ABLIM2: variants seen among roughly 807,000 people sequenced by gnomAD.
The protein encoded by ABLIM2 is actin-binding LIM protein 2.
Under a neutral mutation model 97.7 loss-of-function variants are expected in ABLIM2, and 53 were observed. That is an observed-to-expected ratio of 0.54 (90% CI 0.44 to 0.68). The LOEUF (loss-of-function observed/expected upper bound fraction) is 0.68. Among genes scored for constraint, ABLIM2 ranks in the 30% least tolerant of loss-of-function variants. The pLI is 0.00. For missense variants in ABLIM2, 835 were observed against 867.2 expected, an observed-to-expected ratio of 0.96 and a Z score of 0.47; for synonymous variants, 361 against 345.8, an observed-to-expected ratio of 1.04 and a Z score of -0.49.
chr4:8,071,348 C>T lies in ABLIM2; in HGVS notation c.675+6280G>A, dbSNP rs1811888630. Reference sequence around the variant, plus strand: ...CCAGCAAGGAGCCGGCTCATCAGGACAGACACCCAGAGATGGGTGGGATGC... The same window carrying T: ...CCAGCAAGGAGCCGGCTCATCAGGATAGACACCCAGAGATGGGTGGGATGC... On this transcript the variant is annotated intron_variant, in intron 6 of 20. Transcript: ENST00000447017. This position sits in a 1 kb window ranked among gnomAD's most constrained non-coding sequence, Gnocchi z 6.2. Among the ~76,000 whole-genome samples, 1 of 152,144 alleles carries T rather than the reference C, an allele frequency of 6.6e-6. No homozygotes were observed. The highest frequency in any genetic ancestry group is 2.4e-5 in the African/African-American group (1 of 41,438).
At position 7,992,756 on chromosome 4, in the gene ABLIM2, G is replaced by A. The variant is rs908936863; in HGVS notation, c.1680+110C>T. ...CATCAGGCAGAGGCAGGTGGGCCGCGGGGTCCCCGGGGCCTCTCCTCCTGC... is the reference window on the plus strand; with the variant it reads ...CATCAGGCAGAGGCAGGTGGGCCGCAGGGTCCCCGGGGCCTCTCCTCCTGC... On this transcript the variant is annotated intron_variant, in intron 17 of 20. Coordinates refer to ENST00000447017, the MANE Select transcript of ABLIM2 (RefSeq NM_001130083.2). The surrounding 1 kb of genome is among the most constrained non-coding windows in gnomAD (Gnocchi z 5.7). The A allele has an allele frequency of 8.9e-6, 11 of 1,242,342 alleles. No individual in the cohort carries two copies. In the African/African-American group the frequency reaches 9.0e-5, roughly 10 times the overall value. 77.0% of individuals were successfully genotyped at this position (1,242,342 alleles called of 1,614,324 possible).
intron 20 of ABLIM2, among the ~76,000 whole-genome samples, chr4:7,968,844 A>C (rs1018817017): frequency 5.3e-5 from 8 of 152,230 alleles, no homozygotes; most frequent in African/African-American, 1.9e-4. Flanking sequence ...GGTACACTTT[A>C]AAATGGTTAA....
rs563417299 is a variant in ABLIM2 at position 8,001,168 on chromosome 4, G to T, written c.1618+6891C>A. Among the ~76,000 whole-genome samples, 289 of 152,296 alleles carry T rather than the reference G, an allele frequency of 1.9e-3. 2 individuals are homozygous for T. Among genetic ancestry groups the T allele is most frequent in the African/African-American group, 6.6e-3 (275 of 41,564 alleles). On this transcript the variant is annotated intron_variant, in intron 16 of 20. Transcript: ENST00000447017. The surrounding 1 kb of genome is among the most constrained non-coding windows in gnomAD (Gnocchi z 4.2). ...CTGAGCAGCGGTGAATGAAATGCTG[G>T]TTCAGCTGGACTGGGGAGGGGAGGC... is the stretch of plus-strand genomic sequence containing the variant.
chr4:8,071,700 CACCCG>C lies in ABLIM2; in HGVS notation c.675+5923_675+5927del. 8 of 866,402 alleles carry C rather than the reference CACCCG, an allele frequency of 9.2e-6. No homozygotes were observed. Among genetic ancestry groups the C allele is most frequent in the Non-Finnish European group, 1.1e-5 (8 of 721,276 alleles). The allele number at this position is 866,402 out of a possible 1,614,324, so 53.7% of individuals were successfully genotyped here. A position where few individuals can be genotyped will look rare whatever the true frequency, so the allele number is the denominator to read the frequency against. ...ACTGCTCTGTCCCCAAAAACCCACC[CACCCG>C]CAGCCCCTCCTGGCCCCTGTGAGCC... On this transcript the variant is annotated intron_variant, in intron 6 of 20. Transcript: ENST00000447017. The surrounding 1 kb of genome is among the most constrained non-coding windows in gnomAD (Gnocchi z 6.2).
chr4:8,056,235 C>G (rs910445443), intron 7 of ABLIM2, among the ~76,000 whole-genome samples: 6 of 150,970 alleles, frequency 4.0e-5, no homozygotes, highest in Non-Finnish European at 8.8e-5. Flanking sequence ...TTGTTGGCTG[C>G]CTTATAGTAC....
At chr4:8,016,043 ATTTTTTT>A (rs4006048) in intron 14 of ABLIM2, among the ~76,000 whole-genome samples, 3 of 111,128 alleles carry the variant, frequency 2.7e-5, no homozygotes, top group African/African-American at 3.7e-5. Flanking sequence ...TTGTTGTTGT[ATTTTTTT>A]TTTTTTTTTT....
intron 1 of ABLIM2, among the ~76,000 whole-genome samples, chr4:8,109,184 C>A (rs1004548640): frequency 2.7e-5 from 4 of 150,202 alleles, no homozygotes; most frequent in Non-Finnish European, 3.0e-5. Context: ...GTCTGCCTGG[C>A]GTATAGGCTG....
rs941684213 is a variant in ABLIM2 at position 8,022,177 on chromosome 4, C to G, written c.1268-1874G>C. On this transcript the variant is annotated intron_variant, in intron 12 of 20. Transcript: ENST00000447017. The surrounding 1 kb of genome is among the most constrained non-coding windows in gnomAD (Gnocchi z 7.8). ...ACAGAGGAAGACGGTTTGCTTCAGG[C>G]ACCATCTCTAAGCTGTGTGTGCTCT... Among the ~76,000 whole-genome samples the G allele has an allele frequency of 6.6e-6, 1 of 152,244 alleles. No individual in the cohort carries two copies. The highest frequency in any genetic ancestry group is 1.9e-4 in the East Asian group (1 of 5,204).
At chr4:8,151,969 T>G (rs367617895) in intron 1 of ABLIM2, among the ~76,000 whole-genome samples, 11 of 152,020 alleles carry the variant, frequency 7.2e-5, no homozygotes, top group African/African-American at 2.2e-4. Flanking sequence ...ACAGAGGCCA[T>G]GCAATGACGC....
chr4:8,020,365 T>C, intron 12 of ABLIM2, 62 bp from the exon 13 acceptor site: 2 of 1,441,932 alleles, frequency 1.4e-6, no homozygotes, highest in Non-Finnish European at 1.9e-6. Context: ...AGTAGAATAT[T>C]TCAAGCATGA....
intron 8 of ABLIM2, among the ~76,000 whole-genome samples, chr4:8,050,624 C>T (rs1037278308): frequency 6.6e-6 from 1 of 152,230 alleles, no homozygotes; most frequent in Non-Finnish European, 1.5e-5. Flanking sequence ...TGCCGGGAGC[C>T]GGCCAGGTCT....
Position 8,021,776 on chromosome 4 carries a change from C to G in ABLIM2, c.1268-1473G>C, listed in dbSNP as rs1423137842. On this transcript the variant is annotated intron_variant, in intron 12 of 20. Transcript: ENST00000447017. This position sits in a 1 kb window ranked among gnomAD's most constrained non-coding sequence, Gnocchi z 5.5. Reference sequence around the variant, plus strand: ...GATGCCGTAGAAAGGACTGCAGGCTCTAACTTTGAGCATTTTCTCGTGCTT... The same window carrying G: ...GATGCCGTAGAAAGGACTGCAGGCTGTAACTTTGAGCATTTTCTCGTGCTT... Among the ~76,000 whole-genome samples, 1 of 152,250 alleles carries G rather than the reference C, an allele frequency of 6.6e-6. No homozygotes were observed. The highest frequency in any genetic ancestry group is 1.5e-5 in the Non-Finnish European group (1 of 68,048).
intron 2 of ABLIM2, among the ~76,000 whole-genome samples, chr4:8,105,290 T>G (rs947194491): frequency 1.3e-5 from 2 of 152,218 alleles, no homozygotes; most frequent in African/African-American, 4.8e-5. Flanking sequence ...ACACATATAC[T>G]TGGTTTTTAC....
In ABLIM2 at chr4:8,021,798, G is replaced by C. The variant is rs145459855; in HGVS notation, c.1268-1495C>G. 3.9e-5 allele frequency among the ~76,000 whole-genome samples: 6 copies of C among 152,368 alleles called. No individual in the cohort carries two copies. In the East Asian group the frequency reaches 1.2e-3, roughly 29 times the overall value. On this transcript the variant is annotated intron_variant, in intron 12 of 20. Coordinates refer to ENST00000447017, the MANE Select transcript of ABLIM2 (RefSeq NM_001130083.2). This position sits in a 1 kb window ranked among gnomAD's most constrained non-coding sequence, Gnocchi z 5.5. ...GCTCTAACTTTGAGCATTTTCTCGT[G>C]CTTGGGCATGGGTGCTGATTTTGCC... is the stretch of plus-strand genomic sequence containing the variant.
At chr4:7,989,470 A>G in intron 17 of ABLIM2, 1 of 983,620 alleles carries the variant, frequency 1.0e-6, no homozygotes, top group Non-Finnish European at 1.2e-6. Context: ...TGCTTGGTGC[A>G]TTTAAGTTGA....
chr4:8,082,415 T>C lies in ABLIM2; in HGVS notation c.455-1613A>G, dbSNP rs1820516369. Among the ~76,000 whole-genome samples the C allele has an allele frequency of 6.6e-6, 1 of 152,162 alleles. No homozygotes were observed. Among genetic ancestry groups the C allele is most frequent in the Non-Finnish European group, 1.5e-5 (1 of 68,034 alleles). On this transcript the variant is annotated intron_variant, in intron 4 of 20. Transcript: ENST00000447017. This position sits in a 1 kb window ranked among gnomAD's most constrained non-coding sequence, Gnocchi z 5.6. ...AAGACCTGGCCCAAAGCCTTGCGCA[T>C]CCCGGGTGAACAGTGAGCATCGGCG...
intron 11 of ABLIM2, among the ~76,000 whole-genome samples, chr4:8,029,332 T>C (rs1779354291): frequency 6.6e-6 from 1 of 152,112 alleles, no homozygotes; most frequent in African/African-American, 2.4e-5. Flanking sequence ...CTTCCTGACG[T>C]CTCTTGCCAC....
chr4:8,137,038 A>G (rs1850286278), intron 1 of ABLIM2, among the ~76,000 whole-genome samples: 1 of 152,198 alleles, frequency 6.6e-6, no homozygotes, highest in Admixed American at 6.5e-5. Flanking sequence ...AGAAGGCCCC[A>G]TCTATGAGGA....
At position 8,124,303 on chromosome 4, in the gene ABLIM2, G is replaced by A. The variant is rs1436260012; in HGVS notation, c.11-17666C>T. On this transcript the variant is annotated intron_variant, in intron 1 of 20. Coordinates refer to ENST00000447017, the MANE Select transcript of ABLIM2 (RefSeq NM_001130083.2). The surrounding 1 kb of genome is among the most constrained non-coding windows in gnomAD (Gnocchi z 6.1). ...CATAGCCGTACAATTTGCCTGTTTG[G>A]AATGCACACTCAATGGCTTTTGGTA... Among the ~76,000 whole-genome samples the A allele has an allele frequency of 6.6e-6, 1 of 152,194 alleles. No homozygotes were observed. The highest frequency in any genetic ancestry group is 1.5e-5 in the Non-Finnish European group (1 of 68,032).
Sources: allele counts gnomAD v4.1 joint callset (sites outside exome capture counted in the v4.1 genomes callset), GRCh38; gene constraint gnomAD v4.1.1; non-coding constraint Gnocchi (gnomAD v3.1); transcripts MANE v1.5; gene names NCBI Gene and HGNC (gene_info 2026-07-23, HGNC 2026-07-21).